Variants in MCM2 observed in about 807,000 individuals in gnomAD.
The protein encoded by MCM2 is DNA replication licensing factor MCM2.
In MCM2, 49 loss-of-function variants were observed where a neutral mutation model predicts 86.4. The ratio of observed to expected loss-of-function variants is 0.57; its 90% confidence interval spans 0.45 to 0.72. MCM2 has a LOEUF of 0.72. Among genes scored for constraint, MCM2 ranks in the 30% least tolerant of loss-of-function variants. The probability of loss-of-function intolerance (pLI) is 0.00; values close to 1 mark genes in which losing one functional copy is unlikely to be tolerated. For synonymous variants in MCM2, 475 were observed against 484.6 expected, an observed-to-expected ratio of 0.98 and a Z score of 0.26; for missense variants, 1,038 against 1,259.9, an observed-to-expected ratio of 0.82 and a Z score of 2.67.
rs200927653 is a variant in MCM2 at position 127,604,919 on chromosome 3, C to T, written c.436C>T (p.Arg146Cys). The T allele has an allele frequency of 1.9e-5, 31 of 1,612,416 alleles. No homozygotes were observed. Among genetic ancestry groups the T allele is most frequent in the African/African-American group, 2.7e-5 (2 of 74,994 alleles). Residue 146 changes from arginine (R) to cysteine (C), a missense_variant, in exon 4 of 16, where the codon CGC becomes TGC. Coordinates refer to ENST00000265056, the MANE Select transcript of MCM2 (RefSeq NM_004526.4). Reference sequence around the variant, plus strand: ...AGACAGCGATGAGGAGGACGAGGAGCGCCCTGCCCGCAAGCGCCGCCAGGT... The same window carrying T: ...AGACAGCGATGAGGAGGACGAGGAGTGCCCTGCCCGCAAGCGCCGCCAGGT... ...LYDSDEEDEE[R>C]PARKRRQVER...
In MCM2 at chr3:127,598,444, G is replaced by A. The variant is rs763421651; in HGVS notation, c.-23G>A. On this transcript the variant is annotated 5_prime_UTR_variant, in exon 1 of 16. Coordinates refer to ENST00000265056, the MANE Select transcript of MCM2 (RefSeq NM_004526.4). ...GCGAAACCTGGTTGTTGCTGTAGTGGCGGAGAGGATCGTGGTACTGCTATG... is the reference window on the plus strand; with the variant it reads ...GCGAAACCTGGTTGTTGCTGTAGTGACGGAGAGGATCGTGGTACTGCTATG... 1.9e-5 allele frequency: 31 copies of A among 1,613,402 alleles called. No individual in the cohort carries two copies. The Admixed American group carries it at 5.0e-4, about 26-fold the overall frequency.
rs2107695090 is a variant in MCM2, at chr3:127,617,848, A to G, written c.1901-121A>G. The stretch of plus-strand genomic sequence containing the variant: ...CTGTCTCAGACAGCAGGTGCTAAGT[A>G]CCCACCTATGTCTTCCTCTTCCACT... On this transcript the variant is annotated intron_variant, in intron 11 of 15. Transcript: ENST00000265056. The surrounding 1 kb of genome is among the most constrained non-coding windows in gnomAD (Gnocchi z 4.1). The G allele has an allele frequency of 1.4e-6, 1 of 726,870 alleles. No homozygotes were observed. Among genetic ancestry groups the G allele is most frequent in the East Asian group, 2.7e-5 (1 of 37,094 alleles). 45.0% of individuals were successfully genotyped at this position (726,870 alleles called of 1,614,324 possible).
At chr3:127,598,793 CTT>C (rs113903465) in intron 1 of MCM2, 1,501 of 364,666 alleles carry the variant, frequency 4.1e-3, no homozygotes, top group Middle Eastern at 7.6e-3. Flanking sequence ...CTCCTTTAAA[CTT>C]TTTTTTTTTT....
chr3:127,602,960 A>T (rs1465572934), intron 2 of MCM2, among the ~76,000 whole-genome samples: 2 of 151,796 alleles, frequency 1.3e-5, no homozygotes, highest in East Asian at 3.9e-4. Context: ...CTGTCTGGAG[A>T]TCTACCTCCC....
chr3:127,609,937 T>C (rs1269829548), intron 8 of MCM2, among the ~76,000 whole-genome samples: 1 of 144,126 alleles, frequency 6.9e-6, no homozygotes. Flanking sequence ...CTCTGCCTCC[T>C]GGGTTCAAGC....
Position 127,620,847 on chromosome 3 carries a change from A to G in MCM2, c.2415A>G (p.Thr805=). ...IRVMLESFID[T]QKFSVMRSMR... The stretch of plus-strand genomic sequence containing the variant: ...TGATGCTGGAGAGCTTCATAGACAC[A>G]CAGAAGTTCAGCGTCATGCGCAGCA... Residue 805 remains threonine, a synonymous_variant, in exon 14 of 16, where the codon ACA becomes ACG. Transcript: ENST00000265056. 1 of 1,612,700 alleles carries G rather than the reference A, an allele frequency of 6.2e-7. No homozygotes were observed.
chr3:127,611,155 C>G (rs538097660), intron 8 of MCM2, among the ~76,000 whole-genome samples: 45 of 152,356 alleles, frequency 3.0e-4, no homozygotes, highest in African/African-American at 1.1e-3. Context: ...CCTGCAGAGG[C>G]TCATGAGTGC....
At chr3:127,602,006 G>A (rs138918811) in intron 2 of MCM2, among the ~76,000 whole-genome samples, 2 of 152,218 alleles carry the variant, frequency 1.3e-5, no homozygotes, top group African/African-American at 4.8e-5. Flanking sequence ...TTTTACTATT[G>A]AGTTGTAAGA....
chr3:127,614,799 C>T (rs1481771470), intron 8 of MCM2, among the ~76,000 whole-genome samples: 2 of 152,142 alleles, frequency 1.3e-5, no homozygotes, highest in Admixed American at 6.5e-5. Context: ...TTTTTGCCAG[C>T]GTGAACCTAT....
At chr3:127,599,577 A>C (rs1423375566) in intron 2 of MCM2, 30 bp downstream of exon 2, 20 of 1,583,860 alleles carry the variant, frequency 1.3e-5, no homozygotes, top group Non-Finnish European at 1.6e-5. Context: ...TGGACTCAGC[A>C]GATAGTTTTG....
intron 6 of MCM2, among the ~76,000 whole-genome samples, chr3:127,607,657 G>A (rs2074361514): frequency 6.6e-6 from 1 of 152,210 alleles, no homozygotes; most frequent in Admixed American, 6.5e-5. Context: ...GATAGTACCT[G>A]GTAGAGGGTT....
Position 127,606,650 on chromosome 3 carries a change from G to C in MCM2, c.934G>C (p.Val312Leu), listed in dbSNP as rs141867973. Residue 312 changes from valine (V) to leucine (L), a missense_variant, in exon 6 of 16, where the codon GTG (valine) becomes CTG (leucine). Physicochemically the swap from Val to Leu is conservative, Grantham distance 32 (BLOSUM62 1). Transcript: ENST00000265056. The surrounding 1 kb of genome is among the most constrained non-coding windows in gnomAD (Gnocchi z 4.2). ...CCAGCTGATCCGCACCAGTGGGGTG[G>C]TGACCAGCTGCACTGGCGTCCTGCC... is the stretch of plus-strand genomic sequence containing the variant. ...LNQLIRTSGV[V>L]TSCTGVLPQL... 1,592 of 1,614,178 alleles carry C rather than the reference G, an allele frequency of 9.9e-4. 1 individual carries two copies. Among genetic ancestry groups the C allele is most frequent in the Non-Finnish European group, 1.3e-3 (1,503 of 1,180,048 alleles).
chr3:127,603,259 A>G (rs2074318251), intron 2 of MCM2, among the ~76,000 whole-genome samples: 1 of 152,058 alleles, frequency 6.6e-6, no homozygotes, highest in Non-Finnish European at 1.5e-5. Flanking sequence ...TCAGCCTCCC[A>G]AAGTGCTGGG....
chr3:127,606,959 G>GT lies in MCM2; in HGVS notation c.1101+142_1101+143insT. On this transcript the variant is annotated intron_variant, in intron 6 of 15. Transcript: ENST00000265056. This position sits in a 1 kb window ranked among gnomAD's most constrained non-coding sequence, Gnocchi z 4.2. ...GAATTGTGTGTTGGCCACACCCTGG[G>GT]GTGGACCCAGTCTGTCTGGCCAGTG... The GT allele has an allele frequency of 1.3e-6, 1 of 790,786 alleles. No individual in the cohort carries two copies. The highest frequency in any genetic ancestry group is 2.1e-6 in the Non-Finnish European group (1 of 484,176). The allele number at this position is 790,786 out of a possible 1,614,324, so 49.0% of individuals were successfully genotyped here.
intron 8 of MCM2, among the ~76,000 whole-genome samples, chr3:127,611,399 CTGTT>C (rs1338139459): frequency 2.0e-5 from 3 of 152,228 alleles, no homozygotes; most frequent in African/African-American, 7.2e-5. Context: ...ATCTCCCACT[CTGTT>C]GATTGAAGAG....
chr3:127,617,895 C>A lies in MCM2; in HGVS notation c.1901-74C>A. ...CACTGCCCTCATCCCCTTCTGCCAT[C>A]AGAGCAGCCTGGGGTCCCTGAGATG... On this transcript the variant is annotated intron_variant, in intron 11 of 15. Coordinates refer to ENST00000265056, the MANE Select transcript of MCM2 (RefSeq NM_004526.4). The surrounding 1 kb of genome is among the most constrained non-coding windows in gnomAD (Gnocchi z 4.1). The A allele has an allele frequency of 8.8e-7, 1 of 1,139,522 alleles. No individual in the cohort carries two copies. Among genetic ancestry groups the A allele is most frequent in the Non-Finnish European group, 1.3e-6 (1 of 772,328 alleles). The allele number at this position is 1,139,522 out of a possible 1,614,324, so 70.6% of individuals were successfully genotyped here. A position where few individuals can be genotyped will look rare whatever the true frequency, so the allele number is the denominator to read the frequency against.
At position 127,615,912 on chromosome 3, in the gene MCM2, A is replaced by G; in HGVS notation, c.1479A>G (p.Arg493=). The change falls in exon 9 of 16, where the codon AGA becomes AGG. Residue 493 remains arginine, a synonymous_variant. Transcript: ENST00000265056. ...TCTATGGTCATGAAGACATCAAGAG[A>G]GGCCTGGCTCTGGCCCTGTTCGGAG... The part of the protein sequence containing the change: ...PSIYGHEDIK[R]GLALALFGGE... 1 of 1,614,168 alleles carries G rather than the reference A, an allele frequency of 6.2e-7. No homozygotes were observed. Among genetic ancestry groups the G allele is most frequent in the Non-Finnish European group, 8.5e-7 (1 of 1,180,030 alleles).
chr3:127,598,551 G>A, intron 1 of MCM2, 79 bp downstream of exon 1: 2 of 1,544,874 alleles, frequency 1.3e-6, no homozygotes, highest in Non-Finnish European at 1.7e-6. Flanking sequence ...TCTGGCCCCG[G>A]CCCAGGGCGG....
At chr3:127,598,715 A>C in intron 1 of MCM2, 1 of 541,394 alleles carries the variant, frequency 1.8e-6, no homozygotes. Flanking sequence ...TATTCACCCC[A>C]CACATACTTA....
Sources: allele counts gnomAD v4.1 joint callset (sites outside exome capture counted in the v4.1 genomes callset), GRCh38; gene constraint gnomAD v4.1.1; non-coding constraint Gnocchi (gnomAD v3.1); transcripts MANE v1.5; gene names NCBI Gene and HGNC (gene_info 2026-07-23, HGNC 2026-07-21).